Variants in RERE observed in about 807,000 individuals in gnomAD.
RERE encodes the protein arginine-glutamic acid dipeptide repeats protein.
Under a neutral mutation model 146.1 loss-of-function variants are expected in RERE, and 40 were observed. That is an observed-to-expected ratio of 0.27 (90% CI 0.21 to 0.36). The LOEUF (loss-of-function observed/expected upper bound fraction) is 0.36, where lower values mean the gene tolerates loss of function less well. RERE is among the 10% of genes least tolerant of loss of function. The pLI is 1.00. For missense variants in RERE, 1,933 were observed against 2,138.7 expected (o/e 0.90, Z 1.90); for synonymous variants, 1,003 against 866.0 (o/e 1.16, Z -2.78).
intron 1 of RERE, among the ~76,000 whole-genome samples, chr1:8,780,560 A>C (rs148755531): frequency 1.3e-5 from 2 of 152,316 alleles, no homozygotes; most frequent in East Asian, 3.9e-4. Flanking sequence ...GTATACCAAA[A>C]TATCAAGCCC....
rs34918730 is a variant in RERE, at chr1:8,813,614, C to CTT, written c.-145+3544_-145+3545dup. ...ACAGTGTTTACTATCCTATTTTTTCCTTTTTTTTTTTTTTTTTTTAGACAG... is the reference window on the plus strand; with the variant it reads ...ACAGTGTTTACTATCCTATTTTTTCCTTTTTTTTTTTTTTTTTTTTTAGACAG... On this transcript the variant is annotated intron_variant, in intron 1 of 22. Transcript: ENST00000400908. Among the ~76,000 whole-genome samples the CTT allele has an allele frequency of 5.3e-3, 636 of 121,120 alleles. 7 individuals carry two copies. The highest frequency in any genetic ancestry group is 0.019 in the African/African-American group (608 of 32,362). The allele number at this position is 121,120 out of a possible 152,430, so 79.5% of individuals were successfully genotyped here.
chr1:8,647,751 T>C (rs1012439002), intron 2 of RERE, among the ~76,000 whole-genome samples: 1 of 151,882 alleles, frequency 6.6e-6, no homozygotes, highest in African/African-American at 2.4e-5. Context: ...GAGTAATTAA[T>C]TGCCTTACAG....
At chr1:8,575,389 T>C (rs1646278642) in intron 4 of RERE, among the ~76,000 whole-genome samples, 1 of 151,004 alleles carries the variant, frequency 6.6e-6, no homozygotes. Context: ...TAACCTTTTT[T>C]TTTTTTTTTT....
intron 1 of RERE, among the ~76,000 whole-genome samples, chr1:8,671,348 G>A (rs971592966): frequency 6.6e-6 from 1 of 152,200 alleles, no homozygotes; most frequent in African/African-American, 2.4e-5. Flanking sequence ...TTTATTCACA[G>A]AGAAGCCGTC....
At chr1:8,366,081 G>A (rs1367366452) in intron 12 of RERE, 107 bp from the exon 13 acceptor site, 6 of 1,183,908 alleles carry the variant, frequency 5.1e-6, no homozygotes, top group South Asian at 1.5e-5. Context: ...CTGTGCCAGA[G>A]ATGAGAATAA....
At chr1:8,428,208 T>C (rs1644043930) in intron 11 of RERE, among the ~76,000 whole-genome samples, 1 of 152,232 alleles carries the variant, frequency 6.6e-6, no homozygotes, top group South Asian at 2.1e-4. Context: ...CTGCCAGCGC[T>C]GGGCAGCTCT....
At chr1:8,380,631 G>A (rs1454250612) in intron 12 of RERE, 1 of 356,364 alleles carries the variant, frequency 2.8e-6, no homozygotes, top group Non-Finnish European at 5.5e-6. Flanking sequence ...ACAGGCGTGA[G>A]CCACCAAGCC....
chr1:8,621,705 C>T (rs1646917515), intron 3 of RERE, among the ~76,000 whole-genome samples: 1 of 152,140 alleles, frequency 6.6e-6, no homozygotes, highest in Non-Finnish European at 1.5e-5. Context: ...TTCATTGCTC[C>T]ACTAGTCATG....
chr1:8,542,893 T>C (rs892838118), intron 6 of RERE, among the ~76,000 whole-genome samples: 9 of 152,220 alleles, frequency 5.9e-5, no homozygotes, highest in Non-Finnish European at 8.8e-5. Flanking sequence ...TATAGTTCTA[T>C]AGAATAGAAG....
At chr1:8,366,903 T>A (rs1570057806) in intron 12 of RERE, among the ~76,000 whole-genome samples, 1 of 65,146 alleles carries the variant, frequency 1.5e-5, no homozygotes, top group African/African-American at 6.5e-5. Context: ...TACCTAGAAC[T>A]GAAAAAAAAA....
chr1:8,630,763 T>A (rs1357041997), intron 2 of RERE, among the ~76,000 whole-genome samples: 1 of 152,060 alleles, frequency 6.6e-6, no homozygotes, highest in Non-Finnish European at 1.5e-5. Context: ...CATACATACA[T>A]GGAAAAGGAA....
intron 11 of RERE, among the ~76,000 whole-genome samples, chr1:8,463,569 T>C (rs1337387747): frequency 6.6e-6 from 1 of 152,194 alleles, no homozygotes; most frequent in Non-Finnish European, 1.5e-5. Flanking sequence ...CAGCTTTCTC[T>C]TCAGCAGGAA....
intron 1 of RERE, among the ~76,000 whole-genome samples, chr1:8,759,755 T>C (rs1332826555): frequency 2.6e-5 from 4 of 151,140 alleles, no homozygotes; most frequent in South Asian, 2.1e-4. Context: ...TCAACAGACA[T>C]GAAGAAAAAC....
chr1:8,527,127 T>C (rs1645579688), intron 7 of RERE, among the ~76,000 whole-genome samples: 3 of 152,208 alleles, frequency 2.0e-5, no homozygotes, highest in Non-Finnish European at 2.9e-5. Context: ...GTTTATGCTA[T>C]GAAATAAACT....
At chr1:8,499,937 C>T (rs750765217) in intron 8 of RERE, among the ~76,000 whole-genome samples, 1 of 152,010 alleles carries the variant, frequency 6.6e-6, no homozygotes, top group Non-Finnish European at 1.5e-5. Context: ...CTGACCAACA[C>T]GGTGAAACCC....
intron 4 of RERE, among the ~76,000 whole-genome samples, chr1:8,581,158 T>C (rs1236314377): frequency 1.3e-5 from 2 of 152,244 alleles, no homozygotes; most frequent in African/African-American, 4.8e-5. Flanking sequence ...TTCAGGGTTA[T>C]CCATCTCTTC....
intron 8 of RERE, among the ~76,000 whole-genome samples, chr1:8,498,744 C>T (rs1262084653): frequency 2.0e-5 from 3 of 148,580 alleles, no homozygotes; most frequent in Admixed American, 6.7e-5. Context: ...CACACACACA[C>T]ACACACACAC....
intron 17 of RERE, 135 bp downstream of exon 17, chr1:8,361,628 G>A: frequency 7.4e-7 from 1 of 1,359,994 alleles, no homozygotes; most frequent in Non-Finnish European, 1.0e-6. Context: ...GTCGTGCCCT[G>A]ACCCAGCCAG....
chr1:8,636,903 G>A (rs1327535293), intron 2 of RERE, among the ~76,000 whole-genome samples: 2 of 148,802 alleles, frequency 1.3e-5, no homozygotes, highest in African/African-American at 5.0e-5. Context: ...ACCAAGCCGA[G>A]AATCCACACC....
Sources: allele counts gnomAD v4.1 joint callset (sites outside exome capture counted in the v4.1 genomes callset), GRCh38; gene constraint gnomAD v4.1.1; transcripts MANE v1.5; gene names NCBI Gene and HGNC (gene_info 2026-07-23, HGNC 2026-07-21).